Variants in GRID1 observed in about 807,000 individuals in gnomAD.
GRID1 encodes the protein glutamate receptor ionotropic, delta-1.
In GRID1, 28 loss-of-function variants were observed where a neutral mutation model predicts 98.0. The ratio of observed to expected loss-of-function variants is 0.29; its 90% confidence interval spans 0.21 to 0.39. GRID1 has a LOEUF of 0.39. Ranked by LOEUF, GRID1 falls within the 10% of genes least tolerant of loss-of-function variation. GRID1 has a pLI of 1.00. For missense variants in GRID1, 1,111 were observed against 1,340.5 expected (o/e 0.83, Z 2.67); for synonymous variants, 553 against 538.5 (o/e 1.03, Z -0.37).
chr10:85,797,887 T>C (rs966757495), intron 8 of GRID1, among the ~76,000 whole-genome samples: 3 of 152,340 alleles, frequency 2.0e-5, no homozygotes, highest in East Asian at 3.9e-4. Flanking sequence ...GCTTCATCCA[T>C]ATTGTTGCAA....
chr10:86,236,626 A>G (rs1846543453), intron 2 of GRID1, among the ~76,000 whole-genome samples: 1 of 152,196 alleles, frequency 6.6e-6, no homozygotes, highest in African/African-American at 2.4e-5. Context: ...ATCATCAATG[A>G]CACTAGCTCC....
intron 5 of GRID1, among the ~76,000 whole-genome samples, chr10:85,877,950 G>A (rs1174910196): frequency 6.6e-6 from 1 of 152,198 alleles, no homozygotes; most frequent in Admixed American, 6.5e-5. Flanking sequence ...TGAAAGCCAA[G>A]GCTTGAGAAC....
chr10:86,009,544 G>A (rs1237948294), intron 4 of GRID1, among the ~76,000 whole-genome samples: 1 of 152,194 alleles, frequency 6.6e-6, no homozygotes, highest in East Asian at 1.9e-4. Flanking sequence ...GTTGAAGATG[G>A]ATAATCGGGA....
At chr10:86,193,377 G>A (rs565513421) in intron 3 of GRID1, among the ~76,000 whole-genome samples, 10 of 152,242 alleles carry the variant, frequency 6.6e-5, no homozygotes, top group Admixed American at 1.3e-4. Flanking sequence ...GAGAAGCAAC[G>A]CAAGGCACGT....
At chr10:85,824,396 G>A (rs1180389834) in intron 8 of GRID1, among the ~76,000 whole-genome samples, 3 of 152,112 alleles carry the variant, frequency 2.0e-5, no homozygotes, top group Non-Finnish European at 4.4e-5. Context: ...ATTTCTAGTA[G>A]AGATGGTGCT....
chr10:85,994,920 T>G (rs537580321), intron 4 of GRID1, among the ~76,000 whole-genome samples: 1 of 152,260 alleles, frequency 6.6e-6, no homozygotes, highest in African/African-American at 2.4e-5. Flanking sequence ...TTGGCTTATA[T>G]TTTTAAACAT....
At chr10:85,945,341 T>C (rs1314537525) in intron 4 of GRID1, among the ~76,000 whole-genome samples, 2 of 152,220 alleles carry the variant, frequency 1.3e-5, no homozygotes, top group African/African-American at 4.8e-5. Flanking sequence ...GCAATGTAAT[T>C]GAAAATGCTT....
chr10:86,207,628 C>CTTGTTTCT (rs1846047179), intron 2 of GRID1, among the ~76,000 whole-genome samples: 1 of 106,220 alleles, frequency 9.4e-6, no homozygotes, highest in Non-Finnish European at 1.8e-5. Flanking sequence ...GATGCAGTTT[C>CTTGTTTCT]TTTTTTTTTT....
At chr10:85,775,367 C>T (rs966920590) in intron 8 of GRID1, among the ~76,000 whole-genome samples, 25 of 151,686 alleles carry the variant, frequency 1.6e-4, no homozygotes, top group African/African-American at 5.8e-4. Flanking sequence ...AGGAGATATA[C>T]GTGATGCTAA....
chr10:85,811,492 CAA>C (rs1041221865), intron 8 of GRID1, among the ~76,000 whole-genome samples: 1 of 151,788 alleles, frequency 6.6e-6, no homozygotes, highest in Non-Finnish European at 1.5e-5. Flanking sequence ...AAAAATTAAA[CAA>C]GAGATAGATA....
At chr10:86,200,691 G>C (rs751517559) in intron 3 of GRID1, among the ~76,000 whole-genome samples, 2 of 152,062 alleles carry the variant, frequency 1.3e-5, no homozygotes, top group Admixed American at 6.6e-5. Context: ...TGTTCACTAA[G>C]ACAAACAATT....
At chr10:85,944,884 A>G (rs1252591171) in intron 4 of GRID1, among the ~76,000 whole-genome samples, 2 of 152,226 alleles carry the variant, frequency 1.3e-5, no homozygotes, top group Admixed American at 1.3e-4. Context: ...TCTAAAATAA[A>G]AACGATGATA....
intron 2 of GRID1, among the ~76,000 whole-genome samples, chr10:86,262,573 A>C (rs1239281673): frequency 6.6e-6 from 1 of 151,792 alleles, no homozygotes; most frequent in Non-Finnish European, 1.5e-5. Context: ...ACGTGGCTCC[A>C]CCCCCAAGCG....
chr10:85,870,849 A>T (rs1305183549), intron 5 of GRID1, among the ~76,000 whole-genome samples: 2 of 152,208 alleles, frequency 1.3e-5, no homozygotes, highest in Non-Finnish European at 2.9e-5. Context: ...ACAGAGGGTC[A>T]GTACACCCCA....
chr10:85,695,844 G>C (rs942322477), intron 12 of GRID1, among the ~76,000 whole-genome samples: 1 of 152,076 alleles, frequency 6.6e-6, no homozygotes, highest in Non-Finnish European at 1.5e-5. Flanking sequence ...CCAAGGAATA[G>C]GGAGCACAAA....
chr10:85,874,778 A>T (rs1009911846), intron 5 of GRID1, among the ~76,000 whole-genome samples: 2 of 152,078 alleles, frequency 1.3e-5, no homozygotes, highest in African/African-American at 4.8e-5. Flanking sequence ...GTCAATGGTC[A>T]TTTTTAGGTC....
At chr10:85,855,982 G>A in intron 7 of GRID1, 47 bp downstream of exon 7, 2 of 1,578,916 alleles carry the variant, frequency 1.3e-6, no homozygotes, top group Non-Finnish European at 1.7e-6. Flanking sequence ...GGAGGTATAA[G>A]AAGGGGCCTG....
At chr10:85,926,783 G>C (rs1841779892) in intron 4 of GRID1, among the ~76,000 whole-genome samples, 1 of 152,168 alleles carries the variant, frequency 6.6e-6, no homozygotes, top group Admixed American at 6.5e-5. Flanking sequence ...GATTTGTAGG[G>C]ACTGTGGTGG....
chr10:85,828,212 A>G (rs922056093), intron 8 of GRID1, among the ~76,000 whole-genome samples: 1 of 152,206 alleles, frequency 6.6e-6, no homozygotes, highest in Non-Finnish European at 1.5e-5. Context: ...AAATTAAGCA[A>G]CAAATCAAGA....
Sources: gnomAD v4.1 joint callset for allele counts (sites outside exome capture counted in the v4.1 genomes callset) on GRCh38, gnomAD v4.1.1 for gene constraint, MANE v1.5 for transcripts, NCBI Gene and HGNC (gene_info 2026-07-23, HGNC 2026-07-21) for gene names.